BRINP3: variants seen among roughly 807,000 people sequenced by gnomAD.
BRINP3 encodes the protein BMP/retinoic acid inducible neural specific 3, also known as BMP/retinoic acid-inducible neural-specific protein 3.
Under a neutral mutation model 71.0 loss-of-function variants are expected in BRINP3, and 19 were observed. The ratio of observed to expected loss-of-function variants is 0.27; its 90% CI spans 0.19 to 0.39. The LOEUF (loss-of-function observed/expected upper bound fraction) is 0.39, where lower values mean the gene tolerates loss of function less well. Among genes scored for constraint, BRINP3 ranks in the 10% least tolerant of loss-of-function variants. BRINP3 has a pLI of 1.00. For missense variants in BRINP3, 959 were observed against 940.8 expected (o/e 1.02, Z -0.25); for synonymous variants, 380 against 337.7 (o/e 1.13, Z -1.37).
At chr1:190,341,072 C>T (rs980534211) in intron 2 of BRINP3, among the ~76,000 whole-genome samples, 4 of 151,788 alleles carry the variant, frequency 2.6e-5, no homozygotes, top group Non-Finnish European at 4.4e-5. Context: ...CTTGAGATAA[C>T]TGCTATGCTC....
At chr1:190,351,489 G>A (rs1303961557) in intron 2 of BRINP3, among the ~76,000 whole-genome samples, 4 of 152,122 alleles carry the variant, frequency 2.6e-5, no homozygotes, top group South Asian at 2.1e-4. Context: ...AGAGGTACCC[G>A]TATGACATAA....
At chr1:190,226,035 AT>A (rs750588100) in intron 6 of BRINP3, 46 bp downstream of exon 6, 11 of 1,228,038 alleles carry the variant, frequency 9.0e-6, no homozygotes, top group Admixed American at 4.9e-5. Context: ...ATTTCAATAT[AT>A]TTTTTGTCAA....
intron 6 of BRINP3, among the ~76,000 whole-genome samples, chr1:190,191,805 A>T (rs966662869): frequency 1.3e-5 from 2 of 152,150 alleles, no homozygotes; most frequent in Admixed American, 6.6e-5. Context: ...TTGCATTGAA[A>T]TCTTACATAT....
intron 2 of BRINP3, among the ~76,000 whole-genome samples, chr1:190,392,877 TAA>T (rs2102313063): frequency 6.6e-6 from 1 of 151,788 alleles, no homozygotes; most frequent in Admixed American, 6.6e-5. Context: ...ATGCTATTAG[TAA>T]AATGAAATAC....
chr1:190,142,057 A>G (rs1655501184), intron 7 of BRINP3, among the ~76,000 whole-genome samples: 1 of 152,140 alleles, frequency 6.6e-6, no homozygotes, highest in African/African-American at 2.4e-5. Flanking sequence ...AATATGGGAG[A>G]AAATCTGTTC....
chr1:190,398,969 A>G (rs1362677269), intron 2 of BRINP3, among the ~76,000 whole-genome samples: 1 of 151,966 alleles, frequency 6.6e-6, no homozygotes, highest in Non-Finnish European at 1.5e-5. Context: ...TTTATTAAAG[A>G]GTGGTCATAT....
intron 7 of BRINP3, among the ~76,000 whole-genome samples, chr1:190,158,698 A>T (rs1336525277): frequency 6.6e-6 from 1 of 152,070 alleles, no homozygotes; most frequent in Non-Finnish European, 1.5e-5. Flanking sequence ...CCAAGAAACC[A>T]GAAAAAGAAA....
At chr1:190,383,664 T>G (rs1451192890) in intron 2 of BRINP3, among the ~76,000 whole-genome samples, 2 of 152,060 alleles carry the variant, frequency 1.3e-5, no homozygotes, top group African/African-American at 4.8e-5. Flanking sequence ...CCATTTTACC[T>G]GGTAAAGTTA....
chr1:190,317,958 A>G (rs550376159), intron 2 of BRINP3, among the ~76,000 whole-genome samples: 1 of 152,236 alleles, frequency 6.6e-6, no homozygotes, highest in South Asian at 2.1e-4. Context: ...ATTCGTGTGT[A>G]AGCATAATCA....
chr1:190,300,536 A>C (rs1016229952), intron 2 of BRINP3, among the ~76,000 whole-genome samples: 9 of 152,252 alleles, frequency 5.9e-5, no homozygotes, highest in East Asian at 3.9e-4. Flanking sequence ...TGTCTGACAG[A>C]TTTGAAGAGA....
intron 2 of BRINP3, among the ~76,000 whole-genome samples, chr1:190,409,488 G>A (rs951580527): frequency 3.3e-5 from 5 of 152,118 alleles, no homozygotes; most frequent in Non-Finnish European, 7.4e-5. Context: ...CCTTGTAAAG[G>A]TTATTTTACA....
chr1:190,285,801 A>G (rs1663380229), intron 2 of BRINP3, among the ~76,000 whole-genome samples: 1 of 152,062 alleles, frequency 6.6e-6, no homozygotes, highest in Non-Finnish European at 1.5e-5. Context: ...AATGTTGGAA[A>G]AACAAAGCAA....
intron 2 of BRINP3, among the ~76,000 whole-genome samples, chr1:190,306,514 G>T (rs1333354925): frequency 6.6e-6 from 1 of 151,788 alleles, no homozygotes; most frequent in African/African-American, 2.4e-5. Context: ...CCTCTTCAAG[G>T]TAATAGAATT....
intron 2 of BRINP3, among the ~76,000 whole-genome samples, chr1:190,325,657 T>C (rs1267370947): frequency 1.3e-5 from 2 of 152,068 alleles, no homozygotes; most frequent in African/African-American, 4.8e-5. Flanking sequence ...TATTAAAATA[T>C]TTAGGTATGT....
chr1:190,459,060 A>G (rs1381637126), intron 1 of BRINP3, among the ~76,000 whole-genome samples: 1 of 151,740 alleles, frequency 6.6e-6, no homozygotes, highest in Non-Finnish European at 1.5e-5. Context: ...TTCATAAAAA[A>G]TAAGTCATAA....
chr1:190,110,702 C>T (rs773626534), intron 7 of BRINP3, among the ~76,000 whole-genome samples: 5 of 151,986 alleles, frequency 3.3e-5, no homozygotes, highest in African/African-American at 4.8e-5. Flanking sequence ...AACTAAGAAA[C>T]GGGCAACTCA....
intron 7 of BRINP3, among the ~76,000 whole-genome samples, chr1:190,112,406 A>G (rs1330755578): frequency 6.6e-6 from 1 of 152,204 alleles, no homozygotes; most frequent in Admixed American, 6.5e-5. Flanking sequence ...ATTAACTGAA[A>G]TGAGACTGAA....
chr1:190,431,336 TTTAA>T (rs1372990131), intron 2 of BRINP3, among the ~76,000 whole-genome samples: 1 of 152,078 alleles, frequency 6.6e-6, no homozygotes, highest in Non-Finnish European at 1.5e-5. Flanking sequence ...TCTTGTTTAT[TTTAA>T]TTGTTTTTTA....
At chr1:190,146,273 C>T (rs1442414350) in intron 7 of BRINP3, among the ~76,000 whole-genome samples, 2 of 152,088 alleles carry the variant, frequency 1.3e-5, no homozygotes, top group Admixed American at 6.6e-5. Context: ...AAATAAATGA[C>T]CTAATCTGGA....
Sources: allele counts gnomAD v4.1 joint callset (sites outside exome capture counted in the v4.1 genomes callset), GRCh38; gene constraint gnomAD v4.1.1; transcripts MANE v1.5; gene names NCBI Gene and HGNC (gene_info 2026-07-23, HGNC 2026-07-21).